GLT6D1: variants seen among roughly 807,000 people sequenced by gnomAD.
GLT6D1 encodes the protein glycosyltransferase 6 domain containing 1.
GLT6D1 carries 9 observed loss-of-function variants against 12.3 expected under a neutral mutation model. That is an observed-to-expected ratio of 0.73 (90% CI 0.44 to 1.27). The LOEUF (loss-of-function observed/expected upper bound fraction) is 1.27, where lower values mean the gene tolerates loss of function less well. Ranked by LOEUF, GLT6D1 falls within the 50% of genes most tolerant of loss-of-function variation. The pLI, the probability that GLT6D1 is intolerant of heterozygous loss-of-function variation, is 0.00. For synonymous variants in GLT6D1, 128 were observed against 132.3 expected, an observed-to-expected ratio of 0.97 and a Z score of 0.23; for missense variants, 335 against 346.2, an observed-to-expected ratio of 0.97 and a Z score of 0.26.
intron 3 of GLT6D1, among the ~76,000 whole-genome samples, chr9:135,629,800 T>A (rs1192410647): frequency 6.6e-6 from 1 of 152,192 alleles, no homozygotes; most frequent in Non-Finnish European, 1.5e-5. Flanking sequence ...ATTTGATGTA[T>A]CTTATTGATG....
chr9:135,633,813 C>G (rs1833704827), intron 2 of GLT6D1, among the ~76,000 whole-genome samples: 1 of 148,688 alleles, frequency 6.7e-6, no homozygotes, highest in South Asian at 2.1e-4. Flanking sequence ...TAAATTTGAA[C>G]AAAGACCCAT....
intron 2 of GLT6D1, among the ~76,000 whole-genome samples, chr9:135,632,538 AAAGTCCCC>A (rs1271424865): frequency 6.6e-6 from 1 of 152,336 alleles, no homozygotes; most frequent in East Asian, 1.9e-4. Flanking sequence ...AACTTAATAA[AAAGTCCCC>A]ATTCTTTGAC....
upstream of GLT6D1, among the ~76,000 whole-genome samples, chr9:135,640,741 GAGAA>G (rs1390523924): frequency 6.6e-6 from 1 of 151,850 alleles, no homozygotes; most frequent in African/African-American, 2.4e-5. Context: ...AAAAAAAGGA[GAGAA>G]AGAAAGAAAA....
intron 3 of GLT6D1, 53 bp from the exon 4 acceptor site, chr9:135,626,259 G>A: frequency 1.3e-6 from 2 of 1,599,202 alleles, no homozygotes; most frequent in Non-Finnish European, 1.7e-6. Flanking sequence ...GGCGCCGGCA[G>A]CAGGTGCCGA....
intron 2 of GLT6D1, among the ~76,000 whole-genome samples, chr9:135,634,572 C>T (rs11795018): frequency 0.039 from 5,932 of 151,328 alleles, 192 homozygotes; most frequent in East Asian, 0.17. Flanking sequence ...GCGGAATCCC[C>T]TGCACCAACC....
intron 2 of GLT6D1, among the ~76,000 whole-genome samples, chr9:135,634,210 C>T (rs767949019): frequency 2.6e-5 from 4 of 152,218 alleles, no homozygotes; most frequent in Non-Finnish European, 5.9e-5. Context: ...CTCACTGCAA[C>T]CTCCGCCTCC....
In GLT6D1 at chr9:135,636,329, G is replaced by C. The variant is rs572388336; in HGVS notation, c.71+2788C>G. On this transcript the variant is annotated intron_variant, in intron 2 of 4. Coordinates refer to ENST00000371763, the MANE Select transcript of GLT6D1 (RefSeq NM_182974.3). ...AGATCGCTCTACTGCACTCCAGTCA[G>C]GGTGACAGAGTGAGACTCTGTCTCA... Among the ~76,000 whole-genome samples the C allele has an allele frequency of 9.7e-4, 147 of 152,266 alleles. 2 individuals carry two copies. The highest frequency in any genetic ancestry group is 3.4e-3 in the African/African-American group (141 of 41,554).
intron 2 of GLT6D1, among the ~76,000 whole-genome samples, chr9:135,637,642 A>G (rs1833806007): frequency 6.6e-6 from 1 of 152,146 alleles, no homozygotes; most frequent in African/African-American, 2.4e-5. Flanking sequence ...CCTGATGACA[A>G]ATGAGACTGA....
chr9:135,631,575 C>A, intron 2 of GLT6D1, 97 bp from the exon 3 acceptor site: 1 of 892,032 alleles, frequency 1.1e-6, no homozygotes, highest in Non-Finnish European at 1.9e-6. Context: ...CGTCAACATG[C>A]ATCAACCCAA....
Position 135,639,144 on chromosome 9 carries a change from G to GA in GLT6D1, c.43dup (p.Ser15PhefsTer6). On this transcript the variant is annotated frameshift_variant, in exon 2 of 5. Coordinates refer to ENST00000371763, the MANE Select transcript of GLT6D1 (RefSeq NM_182974.3). LOFTEE classifies it high-confidence loss of function. ...GAAATAACGCTCAACCAACATCAGT[G>GA]AAAAAGCAAATAAAACCAATAACAG... 6.3e-7 allele frequency: 1 copy of GA among 1,589,096 alleles called. No individual in the cohort carries two copies. The highest frequency in any genetic ancestry group is 8.6e-7 in the Non-Finnish European group (1 of 1,158,272).
At chr9:135,627,815 C>T (rs1422213040) in intron 3 of GLT6D1, among the ~76,000 whole-genome samples, 2 of 152,152 alleles carry the variant, frequency 1.3e-5, no homozygotes, top group Non-Finnish European at 2.9e-5. Context: ...TTCTCCACAT[C>T]CTCACCAACA....
At chr9:135,634,442 C>CTTTTTTTTTTTTTTTT (rs370291630) in intron 2 of GLT6D1, among the ~76,000 whole-genome samples, 2 of 54,862 alleles carry the variant, frequency 3.6e-5, no homozygotes, top group Non-Finnish European at 3.1e-5. Flanking sequence ...TTTTCCTTTC[C>CTTTTTTTTTTTTTTTT]TTTTTTTTTT....
chr9:135,632,334 C>T (rs1238257157), intron 2 of GLT6D1, among the ~76,000 whole-genome samples: 1 of 151,926 alleles, frequency 6.6e-6, no homozygotes, highest in African/African-American at 2.4e-5. Context: ...GGTCTCCCTG[C>T]GTTGCCTAGG....
In GLT6D1 at chr9:135,626,069, C is replaced by A. The variant is rs767577912; in HGVS notation, c.257G>T (p.Arg86Met). ...AAGGGCAAAGGTGAGTGGCACCTAC[C>A]TGCCAGTAGCAAAGACGGCCAGGCC... ...TVGLAVFATG[R>M]FAEEYLRPFL... The change falls in exon 4 of 5, where the codon AGG becomes ATG. Residue 86 changes from arginine (R) to methionine (M), a missense_variant and splice_region_variant. Arg to Met is a moderately conservative substitution (Grantham distance 91, BLOSUM62 -1). Coordinates refer to ENST00000371763, the MANE Select transcript of GLT6D1 (RefSeq NM_182974.3). 6.2e-7 allele frequency: 1 copy of A among 1,613,966 alleles called. No homozygotes were observed. The highest frequency in any genetic ancestry group is 1.1e-5 in the South Asian group (1 of 91,044).
chr9:135,627,838 CT>C (rs1188016705), intron 3 of GLT6D1, among the ~76,000 whole-genome samples: 1 of 152,166 alleles, frequency 6.6e-6, no homozygotes, highest in East Asian at 1.9e-4. Flanking sequence ...TTTTTGTTAT[CT>C]TTTTTATTCC....
chr9:135,627,585 G>A (rs893983539), intron 3 of GLT6D1, among the ~76,000 whole-genome samples: 1 of 152,120 alleles, frequency 6.6e-6, no homozygotes, highest in African/African-American at 2.4e-5. Flanking sequence ...GAACATTTGA[G>A]TTATTTACAC....
intron 4 of GLT6D1, among the ~76,000 whole-genome samples, chr9:135,625,081 C>T (rs1388817381): frequency 2.6e-5 from 4 of 151,900 alleles, no homozygotes; most frequent in East Asian, 3.9e-4. Flanking sequence ...GGAGAAGAGG[C>T]GGCTGAATGC....
chr9:135,624,010 C>A lies in GLT6D1; in HGVS notation c.*87G>T. ...AACCTCATGGCGTAATTCATAATTTCCTCTGGGAATCATGTGCGACCTTGA... is the reference window on the plus strand; with the variant it reads ...AACCTCATGGCGTAATTCATAATTTACTCTGGGAATCATGTGCGACCTTGA... On this transcript the variant is annotated 3_prime_UTR_variant, in exon 5 of 5. Coordinates refer to ENST00000371763, the MANE Select transcript of GLT6D1 (RefSeq NM_182974.3). 1 of 801,916 alleles carries A rather than the reference C, an allele frequency of 1.2e-6. No homozygotes were observed. Among genetic ancestry groups the A allele is most frequent in the African/African-American group, 1.7e-5 (1 of 57,654 alleles). 49.7% of individuals were successfully genotyped at this position (801,916 alleles called of 1,614,324 possible).
chr9:135,637,420 C>T (rs1391536013), intron 2 of GLT6D1, among the ~76,000 whole-genome samples: 1 of 151,632 alleles, frequency 6.6e-6, no homozygotes, highest in Non-Finnish European at 1.5e-5. Context: ...AGCACAGTTG[C>T]TCTGTGGCAT....
Sources: allele counts gnomAD v4.1 joint callset (sites outside exome capture counted in the v4.1 genomes callset), GRCh38; gene constraint gnomAD v4.1.1; transcripts MANE v1.5; gene names NCBI Gene and HGNC (gene_info 2026-07-23, HGNC 2026-07-21).